MYRIP: variants seen among roughly 807,000 people sequenced by gnomAD.
MYRIP encodes myosin VIIA and Rab interacting protein, also known as rab effector MyRIP.
MYRIP carries 49 observed loss-of-function variants against 98.0 expected under a neutral mutation model. The ratio of observed to expected loss-of-function variants is 0.50; its 90% CI spans 0.40 to 0.63. The LOEUF (loss-of-function observed/expected upper bound fraction) is 0.63, where lower values mean the gene tolerates loss of function less well. Ranked by LOEUF, MYRIP falls within the 30% of genes least tolerant of loss-of-function variation. The probability of loss-of-function intolerance (pLI) is 0.00; values close to 1 mark genes in which losing one functional copy is unlikely to be tolerated. For missense variants in MYRIP, 1,004 were observed against 1,058.2 expected (o/e 0.95, Z 0.71); for synonymous variants, 404 against 409.5 (o/e 0.99, Z 0.16).
chr3:40,189,855 G>C lies in MYRIP; in HGVS notation c.1057G>C (p.Gly353Arg), dbSNP rs151142713. The stretch of plus-strand genomic sequence containing the variant: ...GGCCCCAGTTTTGCAGAGCCCCGAC[G>C]GGAACTGGGTGGCCCTGAAGGATGG... ...NLAPVLQSPD[G>R]NWVALKDGAP... The change falls in exon 10 of 17, where the codon GGG becomes CGG. Residue 353 changes from glycine (G) to arginine (R), a missense_variant. Physicochemically the swap from Gly to Arg is moderately radical, Grantham distance 125 (BLOSUM62 -2). This residue lies in a region of MYRIP where 880 missense variants were observed against 907.7 expected (regional missense o/e 0.97). Coordinates refer to ENST00000302541, the MANE Select transcript of MYRIP (RefSeq NM_015460.4). 6.2e-7 allele frequency: 1 copy of C among 1,613,394 alleles called. No individual in the cohort carries two copies. The highest frequency in any genetic ancestry group is 2.2e-5 in the East Asian group (1 of 44,850).
intron 4 of MYRIP, among the ~76,000 whole-genome samples, chr3:40,159,775 A>G (rs957156136): frequency 6.6e-6 from 1 of 151,964 alleles, no homozygotes; most frequent in African/African-American, 2.4e-5. Flanking sequence ...CCTTTCTTCC[A>G]GTTGATCGCA....
chr3:40,106,657 G>T (rs1949055232), intron 3 of MYRIP, among the ~76,000 whole-genome samples: 1 of 151,772 alleles, frequency 6.6e-6, no homozygotes. Flanking sequence ...GAGTGAGAGA[G>T]CTTTTGAAGT....
chr3:40,002,132 T>A (rs1946532212), intron 2 of MYRIP, among the ~76,000 whole-genome samples: 1 of 152,196 alleles, frequency 6.6e-6, no homozygotes, highest in Non-Finnish European at 1.5e-5. Flanking sequence ...AGGCCTTTGA[T>A]CAATGTTGAC....
At chr3:40,161,527 G>T (rs1445558764) in intron 4 of MYRIP, among the ~76,000 whole-genome samples, 1 of 152,084 alleles carries the variant, frequency 6.6e-6, no homozygotes, top group African/African-American at 2.4e-5. Context: ...CTTCTCTGTT[G>T]CCTCCCCCTC....
chr3:39,836,389 T>G (rs759375720), intron 1 of MYRIP, among the ~76,000 whole-genome samples: 5 of 152,370 alleles, frequency 3.3e-5, no homozygotes, highest in Non-Finnish European at 7.4e-5. Context: ...CATAAATGTC[T>G]TCTTTTGAGA....
At position 40,162,767 on chromosome 3, in the gene MYRIP, A is replaced by T. The variant is rs1332382962; in HGVS notation, c.507A>T (p.Gly169=). The part of the protein sequence containing the change: ...SLFESNLENE[G]SISGSDSTFY... ...TTGAGTCAAACCTGGAGAATGAAGGAAGCATTTCTGGCAGTGATTCAACAT... is the reference window on the plus strand; with the variant it reads ...TTGAGTCAAACCTGGAGAATGAAGGTAGCATTTCTGGCAGTGATTCAACAT... Residue 169 remains glycine (G), a synonymous_variant, in exon 5 of 17, where the codon GGA becomes GGT. Coordinates refer to ENST00000302541, the MANE Select transcript of MYRIP (RefSeq NM_015460.4). 3 of 1,614,132 alleles carry T rather than the reference A, an allele frequency of 1.9e-6. No individual in the cohort carries two copies.
At chr3:40,103,724 A>G (rs12631912) in intron 3 of MYRIP, among the ~76,000 whole-genome samples, 14,253 of 152,172 alleles carry the variant, frequency 0.094, 754 homozygotes, top group East Asian at 0.22. Context: ...GTGCCATTGC[A>G]CTCCAGCCTG....
At chr3:40,106,303 A>G (rs985341957) in intron 3 of MYRIP, among the ~76,000 whole-genome samples, 2 of 151,974 alleles carry the variant, frequency 1.3e-5, no homozygotes, top group Non-Finnish European at 2.9e-5. Flanking sequence ...TAGATTTGTT[A>G]TTTCTTCTTC....
intron 1 of MYRIP, among the ~76,000 whole-genome samples, chr3:39,822,631 G>C (rs1941136481): frequency 6.6e-6 from 1 of 152,114 alleles, no homozygotes. Flanking sequence ...TAGAACACTA[G>C]AATTTGTTAC....
chr3:40,215,709 A>G (rs1381990070), intron 11 of MYRIP, among the ~76,000 whole-genome samples: 1 of 152,228 alleles, frequency 6.6e-6, no homozygotes, highest in Non-Finnish European at 1.5e-5. Context: ...ACAGCACCCT[A>G]CAACCCAGGG....
rs140949277 is a variant in MYRIP, at chr3:39,977,011, G to A, written c.111-67039G>A. Among the ~76,000 whole-genome samples, 252 of 152,006 alleles carry A rather than the reference G, an allele frequency of 1.7e-3. 3 individuals carry two copies. Among genetic ancestry groups the A allele is most frequent in the South Asian group, 0.016 (77 of 4,818 alleles). On this transcript the variant is annotated intron_variant, in intron 2 of 16. Coordinates refer to ENST00000302541, the MANE Select transcript of MYRIP (RefSeq NM_015460.4). ...GTATACATATGTAACTAACCTGCAC[G>A]TTGTGCACATGTACCCTAAAACTGA...
intron 3 of MYRIP, among the ~76,000 whole-genome samples, chr3:40,054,814 TGCCTTGGCAACC>T (rs1256625678): frequency 6.6e-6 from 1 of 152,196 alleles, no homozygotes; most frequent in Non-Finnish European, 1.5e-5. Context: ...GGGGAGTGGA[TGCCTTGGCAACC>T]GTCATCGTCT....
chr3:39,966,361 A>G (rs1384658353), intron 2 of MYRIP, among the ~76,000 whole-genome samples: 1 of 152,192 alleles, frequency 6.6e-6, no homozygotes, highest in Non-Finnish European at 1.5e-5. Flanking sequence ...GATAATACGC[A>G]TTTGAAAATT....
intron 2 of MYRIP, among the ~76,000 whole-genome samples, chr3:39,957,201 C>G (rs1479344992): frequency 6.6e-6 from 1 of 151,774 alleles, no homozygotes; most frequent in African/African-American, 2.4e-5. Flanking sequence ...CATCCTGATA[C>G]CAAAGCCTGA....
chr3:39,918,459 T>C (rs1944225405), intron 2 of MYRIP, among the ~76,000 whole-genome samples: 1 of 152,094 alleles, frequency 6.6e-6, no homozygotes, highest in South Asian at 2.1e-4. Flanking sequence ...TAACTTGTCT[T>C]TTATATCTTG....
intron 1 of MYRIP, among the ~76,000 whole-genome samples, chr3:39,892,913 A>C (rs6793703): frequency 0.018 from 2,691 of 152,284 alleles, 80 homozygotes; most frequent in African/African-American, 0.061. Context: ...TGTGGTCAGC[A>C]CGCTGCTTTT....
intron 1 of MYRIP, among the ~76,000 whole-genome samples, chr3:39,868,409 C>T (rs936092581): frequency 6.6e-6 from 1 of 152,126 alleles, no homozygotes; most frequent in African/African-American, 2.4e-5. Context: ...TTTTCTCCTG[C>T]AACACCAATT....
Position 40,030,091 on chromosome 3 carries a change from GAGAA to G in MYRIP, c.111-13952_111-13949del, listed in dbSNP as rs916158117. On this transcript the variant is annotated intron_variant, in intron 2 of 16. Coordinates refer to ENST00000302541, the MANE Select transcript of MYRIP (RefSeq NM_015460.4). ...AAAGAAAAGAAAGGAAAGAAAGAGA[GAGAA>G]AGAAAGGGAGAGAGGGAGAGGGGAG... Among the ~76,000 whole-genome samples, 11 of 148,748 alleles carry G rather than the reference GAGAA, an allele frequency of 7.4e-5. No individual in the cohort carries two copies. In the East Asian group the frequency reaches 2.0e-3, roughly 27 times the overall value.
chr3:39,984,469 A>C (rs966747493), intron 2 of MYRIP, among the ~76,000 whole-genome samples: 1 of 151,820 alleles, frequency 6.6e-6, no homozygotes, highest in Non-Finnish European at 1.5e-5. Context: ...GAGTGAGAAT[A>C]TGCAGTGTTT....
Sources: allele counts gnomAD v4.1 joint callset (sites outside exome capture counted in the v4.1 genomes callset), GRCh38; gene constraint gnomAD v4.1.1; regional missense constraint gnomAD v4.1.1; transcripts MANE v1.5; gene names NCBI Gene and HGNC (gene_info 2026-07-23, HGNC 2026-07-21).